The following PCF11 variants were observed in gnomAD, a reference collection of about 807,000 sequenced individuals.
The protein encoded by PCF11 is PCF11 cleavage and polyadenylation factor subunit.
PCF11 carries 19 observed loss-of-function variants against 166.1 expected under a neutral mutation model. The observed-to-expected ratio is 0.11, with a 90% CI of 0.08 to 0.17. The LOEUF (loss-of-function observed/expected upper bound fraction) is 0.17, where lower values mean the gene tolerates loss of function less well. PCF11 is among the 10% of genes least tolerant of loss of function. The pLI is 1.00. For synonymous variants in PCF11, 663 were observed against 644.1 expected (o/e 1.03, Z -0.44); for missense variants, 1,565 against 1,855.5 (o/e 0.84, Z 2.88).
intron 4 of PCF11, 109 bp downstream of exon 4, chr11:83,164,510 C>CT (rs1319389377): frequency 6.9e-6 from 5 of 728,644 alleles, no homozygotes; most frequent in Non-Finnish European, 1.1e-5. Context: ...ATAGTGTACT[C>CT]TTTTTTCACT....
At position 83,167,070 on chromosome 11, in the gene PCF11, C is replaced by T; in HGVS notation, c.1818-55C>T. Reference sequence around the variant, plus strand: ...TTGAAAAGAATCTTTAAATATGGTCCTGAGTATTTTTTAAAAAAACATTTC... The same window carrying T: ...TTGAAAAGAATCTTTAAATATGGTCTTGAGTATTTTTTAAAAAAACATTTC... On this transcript the variant is annotated intron_variant, in intron 5 of 15. Coordinates refer to ENST00000298281, the Ensembl canonical transcript of PCF11. The surrounding 1 kb of genome is among the most constrained non-coding windows in gnomAD (Gnocchi z 4.2). 7.4e-7 allele frequency: 1 copy of T among 1,357,472 alleles called. No homozygotes were observed. The highest frequency in any genetic ancestry group is 1.0e-6 in the Non-Finnish European group (1 of 973,812). 84.1% of individuals were successfully genotyped at this position (1,357,472 alleles called of 1,614,324 possible). A position where few individuals can be genotyped will look rare whatever the true frequency, so the allele number is the denominator to read the frequency against.
intron 2 of PCF11, among the ~76,000 whole-genome samples, chr11:83,163,145 G>T (rs1383233902): frequency 6.6e-6 from 1 of 152,204 alleles, no homozygotes; most frequent in East Asian, 1.9e-4. Context: ...AGGCTTATCA[G>T]TGGTTAAGAT....
chr11:83,173,719 C>CTTTTTTT (rs869126679), intron 9 of PCF11, among the ~76,000 whole-genome samples: 55 of 59,066 alleles, frequency 9.3e-4, no homozygotes, highest in Non-Finnish European at 1.1e-3. Flanking sequence ...TTCTTTCTTT[C>CTTTTTTT]TTTTTTTTTT....
At chr11:83,157,395 C>T in exon 1 of PCF11, 1 of 1,569,334 alleles carries the variant, frequency 6.4e-7, no homozygotes, top group Non-Finnish European at 8.7e-7. Context: ...TCCAGAGCGG[C>T]TTCAGCTTCA....
chr11:83,162,000 G>T (rs971600775), intron 2 of PCF11, among the ~76,000 whole-genome samples: 1 of 152,168 alleles, frequency 6.6e-6, no homozygotes, highest in African/African-American at 2.4e-5. Context: ...GTTAATTGCT[G>T]TTGGTTATTC....
At chr11:83,161,359 C>T in exon 2 of PCF11, 1 of 1,604,738 alleles carries the variant, frequency 6.2e-7, no homozygotes, top group Non-Finnish European at 8.5e-7. Flanking sequence ...CTGTTATGTA[C>T]CTTATGGATT....
chr11:83,166,500 A>T, exon 5 of PCF11: 1 of 1,613,966 alleles, frequency 6.2e-7, no homozygotes, highest in South Asian at 1.1e-5. Context: ...GGAAGAGTTT[A>T]CACCACCTTC....
chr11:83,157,837 A>C, intron 1 of PCF11: 1 of 588,196 alleles, frequency 1.7e-6, no homozygotes, highest in Non-Finnish European at 3.0e-6. Context: ...TAAAGGGTGG[A>C]GTCCCACTTC....
At chr11:83,161,929 T>C (rs1860271723) in intron 2 of PCF11, among the ~76,000 whole-genome samples, 1 of 152,256 alleles carries the variant, frequency 6.6e-6, no homozygotes, top group South Asian at 2.1e-4. Context: ...TGTTTACTTT[T>C]GTTACATTGT....
exon 16 of PCF11, chr11:83,185,721 T>C (rs1487179458): frequency 6.6e-6 from 1 of 152,642 alleles, no homozygotes; most frequent in Non-Finnish European, 1.5e-5. Context: ...CTTTTTTCTT[T>C]TGTTGGTTTT....
exon 8 of PCF11, chr11:83,168,448 T>C: frequency 6.2e-7 from 1 of 1,603,830 alleles, no homozygotes; most frequent in South Asian, 1.1e-5. Flanking sequence ...AGAGCAGAGA[T>C]CTCCATTCAA....
rs778986652 is a variant in PCF11 at position 83,168,991 on chromosome 11, G to A, written c.2656G>A (p.Val886Met). The A allele has an allele frequency of 5.6e-6, 9 of 1,613,782 alleles. No individual in the cohort carries two copies. In the South Asian group the frequency reaches 6.6e-5, roughly 12 times the overall value. Reference sequence around the variant, plus strand: ...GTTTGAGGGACATCGTGGTCAACCTGTGGGTGGTCTAAGGTTTGAGGGACC... The same window carrying A: ...GTTTGAGGGACATCGTGGTCAACCTATGGGTGGTCTAAGGTTTGAGGGACC... The change falls in exon 8 of 16, where the codon GTG (valine) becomes ATG (methionine). Residue 886 changes from valine to methionine, a missense_variant. Physicochemically the swap from Val to Met is conservative, Grantham distance 21. This residue lies in a region of PCF11 where 725 missense variants were observed against 749.3 expected (regional missense o/e 0.97). Transcript: ENST00000298281.
chr11:83,165,586 A>G lies in PCF11; in HGVS notation c.703-14A>G. On this transcript the variant is annotated splice_polypyrimidine_tract_variant and intron_variant, in intron 4 of 15. Transcript: ENST00000298281. ...TTCTGCAGTGTTAACATGAACATTTATTTTGTGTTTTAGGCAGTTTCTCTT... is the reference window on the plus strand; with the variant it reads ...TTCTGCAGTGTTAACATGAACATTTGTTTTGTGTTTTAGGCAGTTTCTCTT... The G allele has an allele frequency of 6.3e-7, 1 of 1,590,634 alleles. No individual in the cohort carries two copies. The highest frequency in any genetic ancestry group is 1.1e-5 in the South Asian group (1 of 87,430).
chr11:83,182,569 C>A, intron 14 of PCF11, 78 bp downstream of exon 14: 1 of 717,928 alleles, frequency 1.4e-6, no homozygotes, highest in Non-Finnish European at 2.4e-6. Context: ...TGAAAGGAGG[C>A]GGTTCATAAT....
At chr11:83,161,933 A>G (rs1860271862) in intron 2 of PCF11, among the ~76,000 whole-genome samples, 1 of 152,150 alleles carries the variant, frequency 6.6e-6, no homozygotes, top group Non-Finnish European at 1.5e-5. Context: ...TACTTTTGTT[A>G]CATTGTTCAA....
Position 83,167,406 on chromosome 11 carries a change from C to G in PCF11, c.2002-9C>G. Reference sequence around the variant, plus strand: ...AAATATTTTATTTCCTTTTATCACCCCTATACAGACGAGTGAACGTTTAGC... The same window carrying G: ...AAATATTTTATTTCCTTTTATCACCGCTATACAGACGAGTGAACGTTTAGC... On this transcript the variant is annotated splice_polypyrimidine_tract_variant and intron_variant, in intron 6 of 15. Coordinates refer to ENST00000298281, the Ensembl canonical transcript of PCF11. This position sits in a 1 kb window ranked among gnomAD's most constrained non-coding sequence, Gnocchi z 4.2. The G allele has an allele frequency of 6.3e-7, 1 of 1,584,678 alleles. No homozygotes were observed. The highest frequency in any genetic ancestry group is 8.6e-7 in the Non-Finnish European group (1 of 1,169,062).
chr11:83,159,078 G>T (rs1294421041), intron 1 of PCF11, among the ~76,000 whole-genome samples: 4 of 152,166 alleles, frequency 2.6e-5, no homozygotes, highest in East Asian at 1.9e-4. Context: ...TAAAGAGGAC[G>T]AAAAGGAAGG....
intron 12 of PCF11, 75 bp downstream of exon 12, chr11:83,181,266 A>T (rs1861074513): frequency 4.3e-6 from 2 of 467,724 alleles, no homozygotes; most frequent in Non-Finnish European, 6.6e-6. Context: ...TAATTTTAAT[A>T]ATTATTAAAA....
At chr11:83,162,224 A>G (rs1480812877) in intron 2 of PCF11, among the ~76,000 whole-genome samples, 2 of 152,228 alleles carry the variant, frequency 1.3e-5, no homozygotes, top group Admixed American at 6.5e-5. Context: ...ACTTAGGTTT[A>G]AAGATTGTTT....
Sources: allele counts gnomAD v4.1 joint callset (sites outside exome capture counted in the v4.1 genomes callset), GRCh38; gene constraint gnomAD v4.1.1; regional missense constraint gnomAD v4.1.1; non-coding constraint Gnocchi (gnomAD v3.1); transcripts MANE v1.5; gene names NCBI Gene and HGNC (gene_info 2026-07-23, HGNC 2026-07-21).